Variants in DNAH14 observed in about 807,000 individuals in gnomAD.
DNAH14 encodes axonemal beta dynein heavy chain 14.
DNAH14 carries 478 observed loss-of-function variants against 520.9 expected under a neutral mutation model. That is an observed-to-expected ratio of 0.92 (90% CI 0.85 to 0.99). The LOEUF is 0.99. Among genes scored for constraint, DNAH14 ranks in the 50% least tolerant of loss-of-function variants. The pLI is 0.00. For synonymous variants in DNAH14, 1,581 were observed against 1,757.2 expected, an observed-to-expected ratio of 0.90 and a Z score of 2.51; for missense variants, 4,831 against 5,234.5, an observed-to-expected ratio of 0.92 and a Z score of 2.38.
intron 44 of DNAH14, among the ~76,000 whole-genome samples, chr1:225,254,304 ATAAT>A (rs2092662303): frequency 6.6e-6 from 1 of 152,212 alleles, no homozygotes; most frequent in African/African-American, 2.4e-5. Context: ...AACTTGTATC[ATAAT>A]TAATACACAT....
chr1:225,105,085 G>A (rs1433187447), intron 23 of DNAH14, among the ~76,000 whole-genome samples: 1 of 152,206 alleles, frequency 6.6e-6, no homozygotes, highest in Non-Finnish European at 1.5e-5. Context: ...GGTATGTTGT[G>A]TCTTAGTTCT....
chr1:225,024,029 ATACCT>A, intron 11 of DNAH14, 164 bp downstream of exon 11: 9 of 1,345,018 alleles, frequency 6.7e-6, no homozygotes, highest in East Asian at 2.7e-5. Context: ...TTATTTGGTA[ATACCT>A]TACTTAATAT....
At position 225,346,769 on chromosome 1, in the gene DNAH14, G is replaced by C. The variant is rs2095292442; in HGVS notation, c.11296+115G>C. 7.1e-6 allele frequency: 5 copies of C among 699,590 alleles called. No homozygotes were observed. The East Asian group carries it at 8.5e-5, about 12-fold the overall frequency. The allele number at this position is 699,590 out of a possible 1,614,324, so 43.3% of individuals were successfully genotyped here. ...ATTGATTAAAGTAAAAGTAGCTTGA[G>C]GTCAAGCACCTCCACTGTTACTCAA... On this transcript the variant is annotated intron_variant, in intron 71 of 85. Transcript: ENST00000682510.
intron 76 of DNAH14, among the ~76,000 whole-genome samples, chr1:225,367,386 C>T (rs1182372703): frequency 3.3e-5 from 5 of 152,148 alleles, no homozygotes; most frequent in African/African-American, 1.2e-4. Flanking sequence ...TCAGTTTGTG[C>T]TGTTTCCCAT....
Position 225,304,982 on chromosome 1 carries a change from T to C in DNAH14, c.8898T>C (p.Phe2966=), listed in dbSNP as rs1384090626. 1.3e-6 allele frequency: 2 copies of C among 1,546,106 alleles called. No homozygotes were observed. The highest frequency in any genetic ancestry group is 4.0e-5 in the Admixed American group (2 of 49,592). The change falls in exon 58 of 86, where the codon TTT becomes TTC. Residue 2966 remains phenylalanine (F), a synonymous_variant. Coordinates refer to ENST00000682510, the MANE Select transcript of DNAH14 (RefSeq NM_001367479.1). ...KSMKDLNRKY[F]EETGRFYYTT... ...TGAAAGACTTGAACAGAAAATACTT[T>C]GAAGAAACTGGAAGATTTTATTATA...
At chr1:225,022,558 A>G (rs906850437) in intron 10 of DNAH14, among the ~76,000 whole-genome samples, 1 of 152,184 alleles carries the variant, frequency 6.6e-6, no homozygotes, top group Non-Finnish European at 1.5e-5. Context: ...TTAACATCTT[A>G]CACCAATCAG....
chr1:225,274,366 G>A (rs1218027122), intron 52 of DNAH14, among the ~76,000 whole-genome samples: 3 of 151,742 alleles, frequency 2.0e-5, no homozygotes, highest in East Asian at 1.9e-4. Flanking sequence ...CACTGCGCCC[G>A]GCTAATTTTT....
At chr1:225,335,348 TATATGCATATAC>T (rs2094930483) in intron 66 of DNAH14, among the ~76,000 whole-genome samples, 3 of 70,838 alleles carry the variant, frequency 4.2e-5, no homozygotes, top group South Asian at 1.2e-3. Context: ...CATGTGTGTG[TATATGCATATAC>T]ACGTGTACAT....
intron 17 of DNAH14, among the ~76,000 whole-genome samples, chr1:225,063,746 T>C (rs2070484320): frequency 6.6e-6 from 1 of 151,930 alleles, no homozygotes; most frequent in Non-Finnish European, 1.5e-5. Flanking sequence ...GATGAAATAG[T>C]TTCCAGATTT....
chr1:225,191,011 C>A (rs1475815790), intron 37 of DNAH14, among the ~76,000 whole-genome samples: 1 of 151,732 alleles, frequency 6.6e-6, no homozygotes, highest in African/African-American at 2.4e-5. Context: ...CAAACTATAT[C>A]TTTATATATT....
chr1:225,325,758 C>G lies in DNAH14; in HGVS notation c.9723+926C>G, dbSNP rs148321570. Among the ~76,000 whole-genome samples, 478 of 152,220 alleles carry G rather than the reference C, an allele frequency of 3.1e-3. 1 individual carries two copies. The highest frequency in any genetic ancestry group is 0.011 in the African/African-American group (459 of 41,528). ...CTATTACAGTCTTCCCACCCCTCACCTCATTTTGATATAATCAACATTTTA... is the reference window on the plus strand; with the variant it reads ...CTATTACAGTCTTCCCACCCCTCACGTCATTTTGATATAATCAACATTTTA... On this transcript the variant is annotated intron_variant, in intron 64 of 85. Transcript: ENST00000682510.
intron 8 of DNAH14, among the ~76,000 whole-genome samples, chr1:224,977,434 A>G (rs552618813): frequency 6.6e-6 from 1 of 152,220 alleles, no homozygotes; most frequent in Admixed American, 6.5e-5. Flanking sequence ...ACACGTATAC[A>G]TATGTAACTA....
intron 81 of DNAH14, among the ~76,000 whole-genome samples, chr1:225,381,815 C>G (rs2095787106): frequency 6.6e-6 from 1 of 152,236 alleles, no homozygotes; most frequent in African/African-American, 2.4e-5. Context: ...AACTATGTAT[C>G]ATGGCAGTTC....
chr1:225,031,763 TG>T (rs1457478993), intron 11 of DNAH14, among the ~76,000 whole-genome samples: 4 of 152,140 alleles, frequency 2.6e-5, no homozygotes, highest in African/African-American at 9.7e-5. Flanking sequence ...CATTTTTAGT[TG>T]TTCATGTATT....
At chr1:225,331,723 TA>T (rs2094802040) in intron 65 of DNAH14, 146 bp downstream of exon 65, 2 of 1,119,572 alleles carry the variant, frequency 1.8e-6, no homozygotes, top group Admixed American at 6.0e-5. Context: ...GTAGACATCC[TA>T]TTCACATAAA....
chr1:225,315,312 A>G (rs2094446575), intron 60 of DNAH14, among the ~76,000 whole-genome samples: 1 of 151,680 alleles, frequency 6.6e-6, no homozygotes, highest in Non-Finnish European at 1.5e-5. Context: ...TCTTCTCTAA[A>G]CTAGTTATTC....
At chr1:225,152,495 G>A (rs919454248) in intron 32 of DNAH14, among the ~76,000 whole-genome samples, 1 of 152,090 alleles carries the variant, frequency 6.6e-6, no homozygotes, top group African/African-American at 2.4e-5. Flanking sequence ...GGTCAATTGT[G>A]GGAGGAGGAA....
intron 79 of DNAH14, among the ~76,000 whole-genome samples, chr1:225,377,781 A>G (rs2095720851): frequency 1.3e-5 from 2 of 151,964 alleles, no homozygotes; most frequent in Admixed American, 6.5e-5. Flanking sequence ...TAATTTTTCA[A>G]TTTGTACGTC....
At chr1:225,064,905 C>A (rs1369061186) in intron 17 of DNAH14, among the ~76,000 whole-genome samples, 1 of 151,878 alleles carries the variant, frequency 6.6e-6, no homozygotes, top group African/African-American at 2.4e-5. Context: ...TTTCTATATA[C>A]AAATTATGTT....
Sources: gnomAD v4.1 joint callset for allele counts (sites outside exome capture counted in the v4.1 genomes callset) on GRCh38, gnomAD v4.1.1 for gene constraint, MANE v1.5 for transcripts, NCBI Gene and HGNC (gene_info 2026-07-23, HGNC 2026-07-21) for gene names.